Variants in AMZ1 observed in about 807,000 individuals in gnomAD.
AMZ1 encodes archaelysin family metallopeptidase 1, also known as archaemetzincin-1.
In AMZ1, 39 loss-of-function variants were observed where a neutral mutation model predicts 29.9. That is an observed-to-expected ratio of 1.30 (90% CI 1.01 to 1.70). AMZ1 has a LOEUF of 1.70. AMZ1 is among the 40% of genes most tolerant of loss of function. The probability of loss-of-function intolerance (pLI) is 0.00; values close to 1 mark genes in which losing one functional copy is unlikely to be tolerated. For missense variants in AMZ1, 1,041 were observed against 680.6 expected, an observed-to-expected ratio of 1.53 and a Z score of -5.89; for synonymous variants, 458 against 304.0, an observed-to-expected ratio of 1.51 and a Z score of -5.27.
At chr7:2,689,384 G>A (rs114470540) in intron 1 of AMZ1, among the ~76,000 whole-genome samples, 7 of 149,134 alleles carry the variant, frequency 4.7e-5, no homozygotes, top group African/African-American at 1.5e-4. Context: ...GGGGGGATGC[G>A]GACGTGCTCT....
rs566846236 is a variant in AMZ1 at position 2,705,850 on chromosome 7, G to A, written c.473-2738G>A. On this transcript the variant is annotated intron_variant, in intron 3 of 6. Coordinates refer to ENST00000683327, the MANE Select transcript of AMZ1 (RefSeq NM_001384743.1). The stretch of plus-strand genomic sequence containing the variant: ...GCCCTGGCCCTAAAACACAGCCGGG[G>A]ACCCCGTGCCTCTCAGGCTTGGCCT... 5.6e-4 allele frequency among the ~76,000 whole-genome samples: 86 copies of A among 152,346 alleles called. 1 individual carries two copies. The highest frequency in any genetic ancestry group is 1.6e-3 in the African/African-American group (67 of 41,590).
At chr7:2,734,284 C>T (rs1790048119) in intron 4 of AMZ1, among the ~76,000 whole-genome samples, 2 of 152,188 alleles carry the variant, frequency 1.3e-5, no homozygotes, top group African/African-American at 4.8e-5. Flanking sequence ...TGAACAGGCA[C>T]GCAATGAGTC....
chr7:2,700,467 C>T lies in AMZ1; in HGVS notation c.16C>T (p.Pro6Ser). 6.2e-7 allele frequency: 1 copy of T among 1,601,458 alleles called. No individual in the cohort carries two copies. Among genetic ancestry groups the T allele is most frequent in the Non-Finnish European group, 8.5e-7 (1 of 1,179,826 alleles). MLQCRPAQEFSFGPRA... is the reference protein window; with the variant it reads MLQCRSAQEFSFGPRA... ...CCCGCCCACCATGCTGCAGTGTAGACCCGCACAGGAGTTCAGCTTCGGGCC... is the reference window on the plus strand; with the variant it reads ...CCCGCCCACCATGCTGCAGTGTAGATCCGCACAGGAGTTCAGCTTCGGGCC... The change falls in exon 2 of 7, where the codon CCC becomes TCC. Residue 6 changes from proline (P) to serine (S), a missense_variant. By Grantham distance (74) the Pro-to-Ser change is moderately conservative. Transcript: ENST00000683327.
At chr7:2,733,803 C>A (rs1790022435) in intron 4 of AMZ1, among the ~76,000 whole-genome samples, 1 of 152,180 alleles carries the variant, frequency 6.6e-6, no homozygotes, top group Admixed American at 6.5e-5. Flanking sequence ...GACTCTCTTT[C>A]CAGACATGAA....
chr7:2,731,504 T>G lies in AMZ1; in HGVS notation n.550+21688T>G, dbSNP rs1562390324. The G allele has an allele frequency of 1.2e-6, 2 of 1,613,514 alleles. No homozygotes were observed. The highest frequency in any genetic ancestry group is 1.7e-6 in the Non-Finnish European group (2 of 1,179,648). On this transcript the variant is annotated intron_variant and non_coding_transcript_variant, in intron 4 of 4. Transcript: ENST00000489665. The surrounding 1 kb of genome is among the most constrained non-coding windows in gnomAD (Gnocchi z 6.0). Reference sequence around the variant, plus strand: ...TTGTTGACGATGGTCTCGAAGATGTTCATGGACTCCACCAGCCGGTTGGTG... The same window carrying G: ...TTGTTGACGATGGTCTCGAAGATGTGCATGGACTCCACCAGCCGGTTGGTG...
rs755431357 is a variant in AMZ1, at chr7:2,712,486, A to G, written c.1105A>G (p.Thr369Ala). 2.5e-6 allele frequency: 4 copies of G among 1,609,936 alleles called. No homozygotes were observed. In the South Asian group the frequency reaches 4.4e-5, roughly 18 times the overall value. ...CGGCACCAGTGTGTCGGAGCCCCTC[A>G]CCCCTGATGCCGGGAGTCACACCTT... ...EPGTSVSEPL[T>A]PDAGSHTFAS... Residue 369 changes from threonine to alanine, a missense_variant, in exon 7 of 7, where the codon ACC (threonine) becomes GCC (alanine). Physicochemically the swap from Thr to Ala is moderately conservative, Grantham distance 58. Coordinates refer to ENST00000683327, the MANE Select transcript of AMZ1 (RefSeq NM_001384743.1).
At chr7:2,710,531 C>G (rs759712550) in intron 6 of AMZ1, among the ~76,000 whole-genome samples, 1 of 152,198 alleles carries the variant, frequency 6.6e-6, no homozygotes, top group African/African-American at 2.4e-5. Flanking sequence ...GTTCCCGGAC[C>G]GAGCCTGTCA....
intron 4 of AMZ1, among the ~76,000 whole-genome samples, chr7:2,727,693 CTTTG>C (rs1789678739): frequency 6.6e-6 from 1 of 152,104 alleles, no homozygotes; most frequent in Non-Finnish European, 1.5e-5. Flanking sequence ...ACATGCCAGG[CTTTG>C]TTTGGTATGT....
chr7:2,746,194 C>T (rs1790755313), intron 4 of AMZ1, among the ~76,000 whole-genome samples: 1 of 152,196 alleles, frequency 6.6e-6, no homozygotes, highest in Non-Finnish European at 1.5e-5. Context: ...CGGAACTCTC[C>T]ACCCCAAATC....
downstream of AMZ1, among the ~76,000 whole-genome samples, chr7:2,724,203 G>A (rs1289696870): frequency 6.6e-6 from 1 of 152,190 alleles, no homozygotes; most frequent in African/African-American, 2.4e-5. Flanking sequence ...ACGGGCATGA[G>A]CCACTGCGCC....
chr7:2,686,838 C>T (rs1308728067), upstream of AMZ1, among the ~76,000 whole-genome samples: 2 of 151,968 alleles, frequency 1.3e-5, no homozygotes, highest in Non-Finnish European at 2.9e-5. Context: ...CTTCAGCCTC[C>T]CGAGTAGCTG....
chr7:2,743,542 A>G (rs114441484), intron 4 of AMZ1, among the ~76,000 whole-genome samples: 2,224 of 152,320 alleles, frequency 0.015, 69 homozygotes, highest in African/African-American at 0.051. Context: ...ACAAAATCTT[A>G]TCAGAGGTCA....
chr7:2,763,073 T>C, upstream of AMZ1: 1 of 1,248,238 alleles, frequency 8.0e-7, no homozygotes, highest in Non-Finnish European at 1.0e-6. Context: ...CGGGGCTCCC[T>C]ACCAGCCTTG....
chr7:2,712,966 TAA>T lies in AMZ1; in HGVS notation c.*90_*91del, dbSNP rs1297681892. 1 of 1,365,844 alleles carries T rather than the reference TAA, an allele frequency of 7.3e-7. No homozygotes were observed. The highest frequency in any genetic ancestry group is 9.6e-7 in the Non-Finnish European group (1 of 1,046,336). The allele number at this position is 1,365,844 out of a possible 1,614,324, so 84.6% of individuals were successfully genotyped here. On this transcript the variant is annotated 3_prime_UTR_variant, in exon 7 of 7. Transcript: ENST00000683327. The stretch of plus-strand genomic sequence containing the variant: ...GAGGCCACTACTGACCTGCCAGGGA[TAA>T]AGAGGAAGGGTCTGCCTGGGTGGTG...
intron 1 of AMZ1, among the ~76,000 whole-genome samples, chr7:2,690,212 A>T (rs776419306): frequency 2.0e-5 from 3 of 151,912 alleles, no homozygotes; most frequent in African/African-American, 4.8e-5. Context: ...TGTGTGTGAG[A>T]GAGAGAGAGA....
intron 4 of AMZ1, among the ~76,000 whole-genome samples, chr7:2,753,064 C>T (rs1791114146): frequency 6.6e-6 from 1 of 152,162 alleles, no homozygotes; most frequent in Non-Finnish European, 1.5e-5. Flanking sequence ...TGATTTCCAT[C>T]TCTAGAATGT....
upstream of AMZ1, among the ~76,000 whole-genome samples, chr7:2,686,554 A>G (rs576947558): frequency 8.5e-5 from 13 of 152,304 alleles, no homozygotes; most frequent in African/African-American, 2.9e-4. Flanking sequence ...TTTTAAAAAT[A>G]CATTTCAATG....
chr7:2,758,842 T>C (rs1212513881), intron 4 of AMZ1, among the ~76,000 whole-genome samples: 1 of 152,178 alleles, frequency 6.6e-6, no homozygotes, highest in Non-Finnish European at 1.5e-5. Flanking sequence ...TATCACCGCA[T>C]GTATCAACAT....
rs966008796 is a variant in AMZ1, at chr7:2,714,631, C to G, written c.*1753C>G. 2.0e-5 allele frequency: 3 copies of G among 152,194 alleles called. No individual in the cohort carries two copies. The highest frequency in any genetic ancestry group is 2.9e-5 in the Non-Finnish European group (2 of 68,044). The allele number at this position is 152,194 out of a possible 1,614,324, so 9.4% of individuals were successfully genotyped here. A position where few individuals can be genotyped will look rare whatever the true frequency, so the allele number is the denominator to read the frequency against. On this transcript the variant is annotated 3_prime_UTR_variant, in exon 7 of 7. Transcript: ENST00000683327. ...CAAACAACCACCCAAAACTTAGTGG[C>G]TTAAAATCACCACAGTCTAGCTCAT...
Sources: gnomAD v4.1 joint callset for allele counts (sites outside exome capture counted in the v4.1 genomes callset) on GRCh38, gnomAD v4.1.1 for gene constraint, Gnocchi (gnomAD v3.1) non-coding constraint, MANE v1.5 for transcripts, NCBI Gene and HGNC (gene_info 2026-07-23, HGNC 2026-07-21) for gene names.